Variants in CDH18 observed in about 807,000 individuals in gnomAD.
CDH18 encodes cadherin 18.
Under a neutral mutation model 67.9 loss-of-function variants are expected in CDH18, and 31 were observed. The ratio of observed to expected loss-of-function variants is 0.46; its 90% confidence interval spans 0.34 to 0.62. The LOEUF (loss-of-function observed/expected upper bound fraction) is 0.62. Among genes scored for constraint, CDH18 ranks in the 20% least tolerant of loss-of-function variants. The pLI, the probability that CDH18 is intolerant of heterozygous loss-of-function variation, is 0.01. For synonymous variants in CDH18, 362 were observed against 347.2 expected, an observed-to-expected ratio of 1.04 and a Z score of -0.48; for missense variants, 890 against 975.5, an observed-to-expected ratio of 0.91 and a Z score of 1.17.
At chr5:20,233,832 T>C (rs1489545073) in intron 2 of CDH18, among the ~76,000 whole-genome samples, 1 of 152,186 alleles carries the variant, frequency 6.6e-6, no homozygotes, top group East Asian at 1.9e-4. Flanking sequence ...TTTATAATCA[T>C]ATTTTAATTT....
At chr5:20,288,803 A>G (rs987697255) in intron 1 of CDH18, among the ~76,000 whole-genome samples, 2 of 151,892 alleles carry the variant, frequency 1.3e-5, no homozygotes, top group African/African-American at 4.8e-5. Flanking sequence ...TTGAAATGAA[A>G]TAGTACAGAT....
At chr5:19,942,436 T>A (rs771052939) in intron 2 of CDH18, among the ~76,000 whole-genome samples, 1 of 152,194 alleles carries the variant, frequency 6.6e-6, no homozygotes, top group Non-Finnish European at 1.5e-5. Context: ...TCAATTCATA[T>A]ACAAATAAAA....
chr5:19,615,232 T>C (rs529758533), intron 5 of CDH18, among the ~76,000 whole-genome samples: 40 of 151,970 alleles, frequency 2.6e-4, no homozygotes, highest in African/African-American at 8.4e-4. Context: ...TAGAGACATA[T>C]AGATAATCAG....
intron 2 of CDH18, among the ~76,000 whole-genome samples, chr5:20,179,093 G>T (rs1737478476): frequency 1.3e-5 from 2 of 152,030 alleles, no homozygotes; most frequent in South Asian, 4.1e-4. Context: ...TCGTGAAGAG[G>T]TAAATAATTT....
intron 2 of CDH18, among the ~76,000 whole-genome samples, chr5:20,225,096 T>C (rs1741511841): frequency 6.6e-6 from 1 of 152,120 alleles, no homozygotes. Flanking sequence ...TTTCGTCATT[T>C]TCTTCAGATC....
At chr5:19,976,066 A>G (rs1446718797) in intron 2 of CDH18, among the ~76,000 whole-genome samples, 1 of 152,162 alleles carries the variant, frequency 6.6e-6, no homozygotes, top group Non-Finnish European at 1.5e-5. Flanking sequence ...ATTCATACTT[A>G]GCAAATTTCG....
intron 1 of CDH18, among the ~76,000 whole-genome samples, chr5:20,492,037 T>C (rs1753621683): frequency 6.6e-6 from 1 of 152,168 alleles, no homozygotes; most frequent in South Asian, 2.1e-4. Flanking sequence ...TACTTACAGA[T>C]TGTATTTCTT....
intron 2 of CDH18, among the ~76,000 whole-genome samples, chr5:19,842,506 G>C (rs1051897540): frequency 3.9e-5 from 6 of 152,156 alleles, no homozygotes; most frequent in Non-Finnish European, 8.8e-5. Flanking sequence ...ATGACTGTAA[G>C]TTTCCTGAGG....
intron 5 of CDH18, among the ~76,000 whole-genome samples, chr5:19,656,996 A>G (rs1756493318): frequency 6.6e-6 from 1 of 152,002 alleles, no homozygotes; most frequent in Non-Finnish European, 1.5e-5. Flanking sequence ...ATGAAGAAGC[A>G]GGCAATTAAC....
chr5:19,718,641 C>A (rs10941429), intron 5 of CDH18, among the ~76,000 whole-genome samples: 1 of 151,834 alleles, frequency 6.6e-6, no homozygotes, highest in African/African-American at 2.4e-5. Context: ...AAGATACTTG[C>A]ATATTTAAAA....
At chr5:20,041,166 T>A (rs1740389263) in intron 2 of CDH18, among the ~76,000 whole-genome samples, 1 of 152,198 alleles carries the variant, frequency 6.6e-6, no homozygotes, top group Non-Finnish European at 1.5e-5. Flanking sequence ...GTAGAAAGCT[T>A]ATAAACTTTA....
rs145154077 is a variant in CDH18 at position 19,739,104 on chromosome 5, T to A, written c.523+7838A>T. Among the ~76,000 whole-genome samples the A allele has an allele frequency of 4.4e-3, 663 of 152,236 alleles. 7 individuals carry two copies. Among genetic ancestry groups the A allele is most frequent in the African/African-American group, 0.015 (640 of 41,544 alleles). ...CCAATGAAACAGATATTGGAACAAT[T>A]ATGTTCCAAAAATTAAGAGCCAATA... On this transcript the variant is annotated intron_variant, in intron 4 of 12. Transcript: ENST00000382275.
At chr5:19,927,775 G>A (rs535021604) in intron 2 of CDH18, among the ~76,000 whole-genome samples, 4 of 152,066 alleles carry the variant, frequency 2.6e-5, no homozygotes, top group African/African-American at 9.7e-5. Context: ...TGTGGTCTTA[G>A]TTTATTCCCA....
intron 1 of CDH18, among the ~76,000 whole-genome samples, chr5:20,415,509 C>T (rs1011041031): frequency 3.3e-5 from 5 of 152,116 alleles, no homozygotes; most frequent in African/African-American, 7.2e-5. Context: ...TGCGGTGGCT[C>T]ATGCCTGTAA....
At chr5:19,498,067 G>A (rs1742643226) in intron 11 of CDH18, among the ~76,000 whole-genome samples, 1 of 152,178 alleles carries the variant, frequency 6.6e-6, no homozygotes, top group African/African-American at 2.4e-5. Context: ...CAGGTGGTGT[G>A]CAGCACACAG....
chr5:20,573,451 A>G (rs1404180873), intron 1 of CDH18, among the ~76,000 whole-genome samples: 1 of 151,950 alleles, frequency 6.6e-6, no homozygotes. Context: ...TGTTGCAACA[A>G]AAATTATAAA....
chr5:20,039,974 T>G (rs1259534529), intron 2 of CDH18, among the ~76,000 whole-genome samples: 1 of 151,782 alleles, frequency 6.6e-6, no homozygotes, highest in African/African-American at 2.4e-5. Flanking sequence ...TATTCAGAAT[T>G]TACAAGGAAC....
chr5:20,143,563 G>C (rs12653989), intron 2 of CDH18, among the ~76,000 whole-genome samples: 147,850 of 152,042 alleles, frequency 0.97, 72,031 homozygotes, highest in Middle Eastern at 1. Flanking sequence ...TGATGGGGGT[G>C]TTGCTATGTT....
At chr5:20,221,687 A>C (rs1002641510) in intron 2 of CDH18, among the ~76,000 whole-genome samples, 22 of 152,132 alleles carry the variant, frequency 1.4e-4, no homozygotes, top group African/African-American at 5.3e-4. Flanking sequence ...ACCTAATGTG[A>C]TTATTAGGCA....
Sources: gnomAD v4.1 joint callset for allele counts (sites outside exome capture counted in the v4.1 genomes callset) on GRCh38, gnomAD v4.1.1 for gene constraint, MANE v1.5 for transcripts, NCBI Gene and HGNC (gene_info 2026-07-23, HGNC 2026-07-21) for gene names.